VPS13B: variants seen among roughly 807,000 people sequenced by gnomAD.
VPS13B encodes vacuolar protein sorting 13 homolog B.
VPS13B carries 285 observed loss-of-function variants against 426.4 expected under a neutral mutation model. The ratio of observed to expected loss-of-function variants is 0.67; its 90% CI spans 0.61 to 0.74. The LOEUF is 0.74. Among genes scored for constraint, VPS13B ranks in the 30% least tolerant of loss-of-function variants. The pLI is 0.00. For missense variants in VPS13B, 4,537 were observed against 4,782.6 expected, an observed-to-expected ratio of 0.95 and a Z score of 1.51; for synonymous variants, 1,676 against 1,676.4, an observed-to-expected ratio of 1.00 and a Z score of 0.01.
chr8:99,507,441 C>T (rs1821560832), intron 28 of VPS13B, among the ~76,000 whole-genome samples: 1 of 152,144 alleles, frequency 6.6e-6, no homozygotes, highest in Admixed American at 6.5e-5. Flanking sequence ...CAAAGGTAGG[C>T]TTGCTTTTGT....
intron 17 of VPS13B, among the ~76,000 whole-genome samples, chr8:99,201,471 C>A (rs1401357200): frequency 6.6e-6 from 1 of 152,012 alleles, no homozygotes; most frequent in African/African-American, 2.4e-5. Flanking sequence ...CTGCAAAGTG[C>A]TTTTAGTAAG....
At chr8:99,576,584 G>C (rs1279164454) in intron 32 of VPS13B, among the ~76,000 whole-genome samples, 1 of 152,052 alleles carries the variant, frequency 6.6e-6, no homozygotes, top group Non-Finnish European at 1.5e-5. Context: ...TTTGCATTTG[G>C]ACTAGTCATA....
At chr8:99,148,788 G>A (rs1810892607) in intron 14 of VPS13B, among the ~76,000 whole-genome samples, 2 of 152,204 alleles carry the variant, frequency 1.3e-5, no homozygotes, top group South Asian at 2.1e-4. Context: ...AGGACAACCT[G>A]TAAACAAAGG....
chr8:99,454,817 C>T (rs1818367069), intron 23 of VPS13B, among the ~76,000 whole-genome samples: 1 of 152,060 alleles, frequency 6.6e-6, no homozygotes, highest in East Asian at 1.9e-4. Flanking sequence ...GAATTTTGGC[C>T]ATTCTGATAG....
rs184391534 is a variant in VPS13B, at chr8:99,095,389, A to T, written c.292-923A>T. ...CGTTGATACTGTTTTGCTTTTGCTT[A>T]TGGTTCCTCCCACCACCCCTCATTT... is the stretch of plus-strand genomic sequence containing the variant. On this transcript the variant is annotated intron_variant, in intron 3 of 61. Transcript: ENST00000357162. 4.9e-4 allele frequency among the ~76,000 whole-genome samples: 74 copies of T among 152,176 alleles called. 1 individual carries two copies. The highest frequency in any genetic ancestry group is 3.1e-3 in the Admixed American group (48 of 15,264).
intron 42 of VPS13B, among the ~76,000 whole-genome samples, chr8:99,781,346 T>TAA (rs1326422831): frequency 6.6e-6 from 1 of 152,192 alleles, no homozygotes; most frequent in Admixed American, 6.5e-5. Context: ...TACACTTATG[T>TAA]GTCTTCTCTT....
intron 19 of VPS13B, among the ~76,000 whole-genome samples, chr8:99,336,404 G>A (rs201874500): frequency 2.6e-5 from 4 of 151,926 alleles, no homozygotes; most frequent in African/African-American, 7.3e-5. Context: ...CTAAAACCAT[G>A]AAAACCCTAG....
intron 3 of VPS13B, among the ~76,000 whole-genome samples, chr8:99,055,951 G>A (rs1328663525): frequency 6.7e-6 from 1 of 150,114 alleles, no homozygotes; most frequent in Non-Finnish European, 1.5e-5. Context: ...ATGTTGATCA[G>A]GCTGATCTCG....
chr8:99,038,594 A>T (rs777281272), intron 3 of VPS13B, 28 bp downstream of exon 3: 2 of 1,568,598 alleles, frequency 1.3e-6, no homozygotes, highest in Admixed American at 1.7e-5. Flanking sequence ...CAAGTTGTTT[A>T]TGTTAACTAA....
chr8:99,342,016 A>G (rs1811278441), intron 19 of VPS13B, among the ~76,000 whole-genome samples: 1 of 152,232 alleles, frequency 6.6e-6, no homozygotes, highest in Non-Finnish European at 1.5e-5. Flanking sequence ...TTATGAATAC[A>G]ATGTACTGCA....
At chr8:99,065,019 G>C (rs1473025971) in intron 3 of VPS13B, among the ~76,000 whole-genome samples, 100 of 152,186 alleles carry the variant, frequency 6.6e-4, no homozygotes, top group Non-Finnish European at 1.3e-4. Context: ...AGCTTGATAA[G>C]TGAAGGAGAA....
intron 33 of VPS13B, among the ~76,000 whole-genome samples, chr8:99,631,916 T>C (rs1017139782): frequency 1.3e-5 from 2 of 152,024 alleles, no homozygotes; most frequent in Admixed American, 6.6e-5. Context: ...AGTTTTGACA[T>C]TAGCTCTATC....
intron 61 of VPS13B, among the ~76,000 whole-genome samples, 197 bp downstream of exon 61, chr8:99,871,894 A>T (rs1280434559): frequency 2.0e-5 from 3 of 152,220 alleles, no homozygotes; most frequent in Non-Finnish European, 4.4e-5. Context: ...CCCCATCCAG[A>T]TATGCACATA....
intron 17 of VPS13B, among the ~76,000 whole-genome samples, chr8:99,238,088 T>A (rs1227187956): frequency 6.6e-6 from 1 of 152,094 alleles, no homozygotes; most frequent in Non-Finnish European, 1.5e-5. Context: ...TACTCTACCC[T>A]CATCCTCTTA....
At chr8:99,216,674 T>C (rs1303426437) in intron 17 of VPS13B, among the ~76,000 whole-genome samples, 1 of 151,530 alleles carries the variant, frequency 6.6e-6, no homozygotes, top group Non-Finnish European at 1.5e-5. Context: ...TATTGGATAC[T>C]TACATGTGGC....
chr8:99,710,746 C>T (rs1832677400), intron 36 of VPS13B, among the ~76,000 whole-genome samples: 1 of 150,462 alleles, frequency 6.6e-6, no homozygotes, highest in Non-Finnish European at 1.5e-5. Flanking sequence ...GATCCCAGCA[C>T]TTTGGGAGGC....
chr8:99,465,315 C>A (rs932657103), intron 23 of VPS13B, among the ~76,000 whole-genome samples: 1 of 151,406 alleles, frequency 6.6e-6, no homozygotes, highest in Non-Finnish European at 1.5e-5. Flanking sequence ...TTTGTCATTG[C>A]ATGTTAAAAT....
In VPS13B at chr8:99,846,061, G is replaced by A. The variant is rs112895457; in HGVS notation, c.9943-2715G>A. 1.5e-3 allele frequency among the ~76,000 whole-genome samples: 223 copies of A among 152,330 alleles called. 3 individuals are homozygous for A. Among genetic ancestry groups the A allele is most frequent in the African/African-American group, 5.2e-3 (217 of 41,574 alleles). On this transcript the variant is annotated intron_variant, in intron 54 of 61. Transcript: ENST00000357162. ...CTGCTCTATTCCCAGAAGGAGAGAA[G>A]AGCTAGACATGTGTGGACACTAGAA...
At chr8:99,142,834 G>C (rs902455153) in intron 12 of VPS13B, 140 bp from the exon 13 acceptor site, 1 of 744,720 alleles carries the variant, frequency 1.3e-6, no homozygotes, top group African/African-American at 1.8e-5. Context: ...CAAATCAGCA[G>C]GGCTCTCTGT....
Sources: allele counts gnomAD v4.1 joint callset (sites outside exome capture counted in the v4.1 genomes callset), GRCh38; gene constraint gnomAD v4.1.1; transcripts MANE v1.5; gene names NCBI Gene and HGNC (gene_info 2026-07-23, HGNC 2026-07-21).